SH3RF3: variants seen among roughly 807,000 people sequenced by gnomAD.
SH3RF3 encodes the protein E3 ubiquitin-protein ligase SH3RF3.
In SH3RF3, 29 loss-of-function variants were observed where a neutral mutation model predicts 66.3. The ratio of observed to expected loss-of-function variants is 0.44; its 90% CI spans 0.33 to 0.60. The LOEUF is 0.60. Among genes scored for constraint, SH3RF3 ranks in the 20% least tolerant of loss-of-function variants. The pLI is 0.04. For missense variants in SH3RF3, 1,194 were observed against 1,190.9 expected, an observed-to-expected ratio of 1.00 and a Z score of -0.04; for synonymous variants, 583 against 532.0, an observed-to-expected ratio of 1.10 and a Z score of -1.32.
chr2:109,307,270 C>T (rs533827792), intron 1 of SH3RF3, among the ~76,000 whole-genome samples: 14 of 152,128 alleles, frequency 9.2e-5, no homozygotes, highest in African/African-American at 3.1e-4. Context: ...TGATTTAATT[C>T]GCAAATTTGC....
In SH3RF3 at chr2:109,501,851, C is replaced by G. The variant is rs1679397974; in HGVS notation, c.*180C>G. The G allele has an allele frequency of 1.7e-6, 1 of 583,154 alleles. No individual in the cohort carries two copies. The highest frequency in any genetic ancestry group is 3.0e-5 in the Admixed American group (1 of 33,742). 36.1% of individuals were successfully genotyped at this position (583,154 alleles called of 1,614,324 possible). A position where few individuals can be genotyped will look rare whatever the true frequency, so the allele number is the denominator to read the frequency against. On this transcript the variant is annotated 3_prime_UTR_variant, in exon 10 of 10. Transcript: ENST00000309415. The stretch of plus-strand genomic sequence containing the variant: ...GTGGAGGTCGTGCCTTCTCCCAAAA[C>G]CCCCAAACGGAGAGCACACCTGGGA...
intron 9 of SH3RF3, among the ~76,000 whole-genome samples, chr2:109,500,067 A>G (rs758777691): frequency 1.3e-5 from 2 of 152,064 alleles, no homozygotes; most frequent in African/African-American, 2.4e-5. Context: ...AAGTCAGGAG[A>G]CAGTGTGTGG....
At chr2:109,335,020 C>T (rs1052112578) in intron 1 of SH3RF3, among the ~76,000 whole-genome samples, 39 of 152,346 alleles carry the variant, frequency 2.6e-4, no homozygotes, top group African/African-American at 9.1e-4. Flanking sequence ...ACCGCGTTGG[C>T]GACTTACATG....
chr2:109,220,759 GAAGATAAT>G (rs1679210349), intron 1 of SH3RF3, among the ~76,000 whole-genome samples: 1 of 152,186 alleles, frequency 6.6e-6, no homozygotes, highest in Admixed American at 6.5e-5. Context: ...CCAAAAAGTA[GAAGATAAT>G]AAGGGTTAGG....
At chr2:109,167,172 A>AT (rs1433456805) in intron 1 of SH3RF3, among the ~76,000 whole-genome samples, 3 of 152,138 alleles carry the variant, frequency 2.0e-5, no homozygotes, top group Admixed American at 6.6e-5. Context: ...TCATTTTTCC[A>AT]TTTTTTCCAG....
At chr2:109,439,351 C>T (rs1452708694) in intron 7 of SH3RF3, among the ~76,000 whole-genome samples, 1 of 152,180 alleles carries the variant, frequency 6.6e-6, no homozygotes, top group African/African-American at 2.4e-5. Context: ...TAAAGAATGA[C>T]TCCTACTGAG....
intron 1 of SH3RF3, among the ~76,000 whole-genome samples, chr2:109,242,521 G>A (rs1679810086): frequency 6.6e-6 from 1 of 152,224 alleles, no homozygotes; most frequent in African/African-American, 2.4e-5. Flanking sequence ...AGAAGCGGGA[G>A]TGAATGGCAA....
At chr2:109,468,855 GAAAAAA>G (rs397940375) in intron 8 of SH3RF3, among the ~76,000 whole-genome samples, 2 of 64,864 alleles carry the variant, frequency 3.1e-5, no homozygotes, top group Admixed American at 2.0e-4. Context: ...CTCTGTCTCA[GAAAAAA>G]AAAAAAAAAA....
intron 1 of SH3RF3, among the ~76,000 whole-genome samples, chr2:109,200,585 C>T (rs1678646403): frequency 6.6e-6 from 1 of 152,168 alleles, no homozygotes; most frequent in South Asian, 2.1e-4. Context: ...CACCGCCGAC[C>T]TTTTCCACCT....
intron 2 of SH3RF3, among the ~76,000 whole-genome samples, chr2:109,369,280 T>C (rs575349024): frequency 6.0e-4 from 91 of 150,708 alleles, no homozygotes; most frequent in African/African-American, 2.2e-3. Context: ...ACCCAGGAGG[T>C]GGAGGTTGCA....
chr2:109,430,151 C>A lies in SH3RF3; in HGVS notation c.1404-2350C>A, dbSNP rs550076084. Among the ~76,000 whole-genome samples, 145 of 152,348 alleles carry A rather than the reference C, an allele frequency of 9.5e-4. 2 individuals are homozygous for A. Among genetic ancestry groups the A allele is most frequent in the South Asian group, 2.1e-3 (10 of 4,828 alleles). On this transcript the variant is annotated intron_variant, in intron 5 of 9. Coordinates refer to ENST00000309415, the MANE Select transcript of SH3RF3 (RefSeq NM_001099289.3). ...AGGCAGCCCCGGACCCCAGAACCAACTAAAAGGAGCTGTTGGTGCGGCCTG... is the reference window on the plus strand; with the variant it reads ...AGGCAGCCCCGGACCCCAGAACCAAATAAAAGGAGCTGTTGGTGCGGCCTG...
intron 1 of SH3RF3, among the ~76,000 whole-genome samples, chr2:109,205,833 C>G (rs1007588967): frequency 6.6e-6 from 1 of 152,220 alleles, no homozygotes; most frequent in Non-Finnish European, 1.5e-5. Context: ...GTGTAAAATA[C>G]TCTTGAGCCT....
Position 109,129,503 on chromosome 2 carries a change from C to T in SH3RF3, c.-38C>T, listed in dbSNP as rs1289749394. The stretch of plus-strand genomic sequence containing the variant: ...GCGGGCTCCACGCCGGCCCCGGGAC[C>T]TAGGCAGCCGCGCGAGACCGCTGCG... On this transcript the variant is annotated 5_prime_UTR_variant, in exon 1 of 10. Transcript: ENST00000309415. 2.7e-6 allele frequency: 4 copies of T among 1,495,264 alleles called. No homozygotes were observed. The Admixed American group carries it at 6.3e-5, about 24-fold the overall frequency. The allele number at this position is 1,495,264 out of a possible 1,614,324, so 92.6% of individuals were successfully genotyped here.
intron 1 of SH3RF3, among the ~76,000 whole-genome samples, chr2:109,145,856 C>A (rs1030325294): frequency 5.3e-5 from 8 of 152,112 alleles, no homozygotes; most frequent in Admixed American, 1.3e-4. Flanking sequence ...AAAGGCAGGA[C>A]GGAGCCGCAG....
intron 1 of SH3RF3, among the ~76,000 whole-genome samples, chr2:109,188,880 G>A (rs1678266052): frequency 6.6e-6 from 1 of 152,076 alleles, no homozygotes; most frequent in South Asian, 2.1e-4. Context: ...TCGCTTTGCC[G>A]GGGCATTGTG....
At chr2:109,478,225 G>A (rs1160126452) in intron 8 of SH3RF3, among the ~76,000 whole-genome samples, 1 of 152,228 alleles carries the variant, frequency 6.6e-6, no homozygotes, top group Non-Finnish European at 1.5e-5. Flanking sequence ...CTGGCTCCCA[G>A]TGTATTTTTC....
At chr2:109,241,828 C>T (rs1162570200) in intron 1 of SH3RF3, among the ~76,000 whole-genome samples, 2 of 150,852 alleles carry the variant, frequency 1.3e-5, no homozygotes, top group Admixed American at 6.6e-5. Context: ...TGCAGTGGTG[C>T]GATCTCGGCT....
intron 1 of SH3RF3, among the ~76,000 whole-genome samples, chr2:109,326,945 G>A (rs1441637230): frequency 6.6e-6 from 1 of 152,116 alleles, no homozygotes; most frequent in Non-Finnish European, 1.5e-5. Flanking sequence ...TCAACTGCTG[G>A]GTTATTGACA....
intron 1 of SH3RF3, among the ~76,000 whole-genome samples, chr2:109,283,423 G>T (rs1021086358): frequency 6.6e-6 from 1 of 152,226 alleles, no homozygotes; most frequent in Non-Finnish European, 1.5e-5. Context: ...AGCTCACAGA[G>T]GGAGTGGAGC....
Sources: allele counts gnomAD v4.1 joint callset (sites outside exome capture counted in the v4.1 genomes callset), GRCh38; gene constraint gnomAD v4.1.1; transcripts MANE v1.5; gene names NCBI Gene and HGNC (gene_info 2026-07-23, HGNC 2026-07-21).